Variants in GAS7 observed in about 807,000 individuals in gnomAD.
The protein encoded by GAS7 is growth arrest-specific protein 7.
Under a neutral mutation model 71.1 loss-of-function variants are expected in GAS7, and 28 were observed. That is an observed-to-expected ratio of 0.39 (90% confidence interval 0.29 to 0.54). The LOEUF (loss-of-function observed/expected upper bound fraction) is 0.54, where lower values mean the gene tolerates loss of function less well. Among genes scored for constraint, GAS7 ranks in the 20% least tolerant of loss-of-function variants. The pLI is 0.62. For synonymous variants in GAS7, 258 were observed against 245.8 expected, an observed-to-expected ratio of 1.05 and a Z score of -0.46; for missense variants, 436 against 627.8, an observed-to-expected ratio of 0.69 and a Z score of 3.27.
At chr17:10,164,571 A>T (rs2074279080) in intron 1 of GAS7, among the ~76,000 whole-genome samples, 1 of 151,930 alleles carries the variant, frequency 6.6e-6, no homozygotes, top group Non-Finnish European at 1.5e-5. Flanking sequence ...GCTGAGCAGG[A>T]GGAGGACTGC....
intron 1 of GAS7, among the ~76,000 whole-genome samples, chr17:10,118,374 G>A (rs1050489894): frequency 3.9e-5 from 6 of 152,084 alleles, no homozygotes; most frequent in Admixed American, 2.0e-4. Flanking sequence ...CAGCCTCTCC[G>A]GCCTGCCCTG....
chr17:10,159,065 C>CATATATATATATAT (rs745794234), intron 1 of GAS7, among the ~76,000 whole-genome samples: 1,464 of 59,688 alleles, frequency 0.025, 57 homozygotes, highest in Admixed American at 0.035. Context: ...GTCTCTAAAA[C>CATATATATATATAT]ATATATATAT....
chr17:10,087,694 G>A (rs1283523831), intron 1 of GAS7, among the ~76,000 whole-genome samples: 1 of 152,204 alleles, frequency 6.6e-6, no homozygotes, highest in Non-Finnish European at 1.5e-5. Context: ...GGGGTCCTGG[G>A]GGAGATTGAA....
At chr17:10,105,143 T>C (rs528948652) in intron 1 of GAS7, among the ~76,000 whole-genome samples, 2 of 152,172 alleles carry the variant, frequency 1.3e-5, no homozygotes, top group East Asian at 1.9e-4. Context: ...ATTAAATTAA[T>C]TGAAACTCAA....
rs1320849182 is a variant in GAS7, at chr17:9,919,197, C to T, written c.1218+429G>A. On this transcript the variant is annotated intron_variant, in intron 12 of 13. Coordinates refer to ENST00000432992, the MANE Select transcript of GAS7 (RefSeq NM_201433.2). The surrounding 1 kb of genome is among the most constrained non-coding windows in gnomAD (Gnocchi z 5.0). ...GTGAGAGGCCTCCCCCACCCCACTG[C>T]CTAGCTCCATCCTCACCCATCCATC... Among the ~76,000 whole-genome samples the T allele has an allele frequency of 6.6e-6, 1 of 152,134 alleles. No individual in the cohort carries two copies. Among genetic ancestry groups the T allele is most frequent in the Non-Finnish European group, 1.5e-5 (1 of 68,010 alleles).
At chr17:9,961,143 C>T (rs779295346) in intron 4 of GAS7, among the ~76,000 whole-genome samples, 2 of 152,182 alleles carry the variant, frequency 1.3e-5, no homozygotes, top group African/African-American at 4.8e-5. Context: ...ACTGAGGTAC[C>T]TCTACTTATG....
At chr17:9,996,748 C>T (rs62065768) in intron 2 of GAS7, among the ~76,000 whole-genome samples, 14,370 of 151,918 alleles carry the variant, frequency 0.095, 923 homozygotes, top group Non-Finnish European at 0.14. Flanking sequence ...AAGCGATTCT[C>T]CTGCCTCAGC....
chr17:9,963,039 G>GAAAAAAAAAA (rs71139010), intron 4 of GAS7, among the ~76,000 whole-genome samples: 1 of 131,020 alleles, frequency 7.6e-6, no homozygotes. Context: ...TCAAGGTGAT[G>GAAAAAAAAAA]AAAAAAAAAA....
At chr17:10,060,920 G>A (rs374388396) in intron 1 of GAS7, among the ~76,000 whole-genome samples, 4 of 152,188 alleles carry the variant, frequency 2.6e-5, no homozygotes, top group South Asian at 2.1e-4. Context: ...TTGTCATGAC[G>A]GAGGTGGGAG....
chr17:10,096,004 C>A (rs1444097995), intron 1 of GAS7, among the ~76,000 whole-genome samples: 2 of 152,028 alleles, frequency 1.3e-5, no homozygotes, highest in Admixed American at 6.6e-5. Context: ...TTCCTTGGGG[C>A]TCCATCCCTG....
intron 9 of GAS7, among the ~76,000 whole-genome samples, chr17:9,930,241 A>G (rs1227496739): frequency 1.3e-5 from 2 of 151,986 alleles, no homozygotes; most frequent in Non-Finnish European, 2.9e-5. Context: ...CAGATATCGG[A>G]GTGGATACCT....
chr17:10,154,613 G>A (rs2074190878), intron 1 of GAS7, among the ~76,000 whole-genome samples: 1 of 152,100 alleles, frequency 6.6e-6, no homozygotes, highest in Non-Finnish European at 1.5e-5. Context: ...AGGAGTTTGA[G>A]ACCAGCCAGG....
chr17:10,198,076 C>T, intron 1 of GAS7, 132 bp downstream of exon 1: 1 of 795,508 alleles, frequency 1.3e-6, no homozygotes, highest in South Asian at 1.7e-5. Context: ...CTACAGGTAG[C>T]GCCGGCAAGG....
chr17:10,061,760 C>T (rs939745849), intron 1 of GAS7, among the ~76,000 whole-genome samples: 1 of 152,156 alleles, frequency 6.6e-6, no homozygotes, highest in African/African-American at 2.4e-5. Flanking sequence ...ATTTCTCCCA[C>T]AGCGAACTGT....
At chr17:10,045,888 T>G (rs2072947480) in intron 1 of GAS7, among the ~76,000 whole-genome samples, 1 of 152,222 alleles carries the variant, frequency 6.6e-6, no homozygotes, top group Admixed American at 6.5e-5. Context: ...AATATTTTTT[T>G]CGAACTGACT....
intron 2 of GAS7, among the ~76,000 whole-genome samples, chr17:9,983,043 A>G (rs1187728779): frequency 6.6e-6 from 1 of 151,876 alleles, no homozygotes; most frequent in Non-Finnish European, 1.5e-5. Flanking sequence ...ACACACAAAA[A>G]TAAATATCAC....
intron 1 of GAS7, among the ~76,000 whole-genome samples, chr17:10,194,858 C>CAA (rs5819269): frequency 0.016 from 1,351 of 84,380 alleles, 45 homozygotes; most frequent in Non-Finnish European, 0.022. Context: ...GACTCTGTCT[C>CAA]AAAAAAAAAA....
Position 10,198,231 on chromosome 17 carries a change from CCGGGA to C in GAS7, c.155_159del (p.Phe52CysfsTer49). ...ACCTCCAGCAACTGCACGTAGCTCG[CCGGGA>C]ACCAGCCACGGAGCCCGTCCTCCTT... On this transcript the variant is annotated frameshift_variant, in exon 1 of 14. Transcript: ENST00000432992. LOFTEE classifies it high-confidence loss of function. The C allele has an allele frequency of 6.2e-7, 1 of 1,608,108 alleles. No individual in the cohort carries two copies. The highest frequency in any genetic ancestry group is 8.5e-7 in the Non-Finnish European group (1 of 1,179,462).
chr17:9,995,050 T>C (rs1310274630), intron 2 of GAS7, among the ~76,000 whole-genome samples: 1 of 152,214 alleles, frequency 6.6e-6, no homozygotes. Context: ...TGTCAATTCA[T>C]TCAGACTTTC....
Sources: gnomAD v4.1 joint callset for allele counts (sites outside exome capture counted in the v4.1 genomes callset) on GRCh38, gnomAD v4.1.1 for gene constraint, Gnocchi (gnomAD v3.1) non-coding constraint, MANE v1.5 for transcripts, NCBI Gene and HGNC (gene_info 2026-07-23, HGNC 2026-07-21) for gene names.